Variants in ARHGEF10 observed in about 807,000 individuals in gnomAD.
ARHGEF10 encodes the protein Rho guanine nucleotide exchange factor (GEF) 10.
In ARHGEF10, 140 loss-of-function variants were observed where a neutral mutation model predicts 147.4. The observed-to-expected ratio is 0.95, with a 90% confidence interval of 0.83 to 1.09. The LOEUF is 1.09. Among genes scored for constraint, ARHGEF10 ranks in the 50% least tolerant of loss-of-function variants. The pLI is 0.00. For missense variants in ARHGEF10, 2,222 were observed against 1,752.7 expected, an observed-to-expected ratio of 1.27 and a Z score of -4.78; for synonymous variants, 902 against 695.8, an observed-to-expected ratio of 1.30 and a Z score of -4.67.
At chr8:1,866,237 C>G (rs1356368833) in intron 5 of ARHGEF10, among the ~76,000 whole-genome samples, 1 of 152,172 alleles carries the variant, frequency 6.6e-6, no homozygotes, top group African/African-American at 2.4e-5. Flanking sequence ...ACAGTTCAGG[C>G]CTTCTAGGGC....
intron 14 of ARHGEF10, among the ~76,000 whole-genome samples, chr8:1,898,005 G>T (rs1194844889): frequency 3.3e-5 from 5 of 152,126 alleles, no homozygotes; most frequent in African/African-American, 1.2e-4. Context: ...TTGCCCAACA[G>T]CCTTGGTAGC....
intron 7 of ARHGEF10, 102 bp from the exon 8 acceptor site, chr8:1,876,469 C>A: frequency 1.6e-6 from 2 of 1,232,080 alleles, no homozygotes; most frequent in South Asian, 1.2e-5. Flanking sequence ...AGATTTCCTT[C>A]CACCCCCAGC....
At chr8:1,840,540 G>C (rs2129048170) in intron 1 of ARHGEF10, among the ~76,000 whole-genome samples, 1 of 149,582 alleles carries the variant, frequency 6.7e-6, no homozygotes, top group South Asian at 2.2e-4. Context: ...TGTGGGGACT[G>C]TCCGGTGTGG....
rs532702694 is a variant in ARHGEF10 at position 1,928,629 on chromosome 8, G to C, written c.2900G>C (p.Cys967Ser). 6.2e-7 allele frequency: 1 copy of C among 1,614,210 alleles called. No homozygotes were observed. Among genetic ancestry groups the C allele is most frequent in the African/African-American group, 1.3e-5 (1 of 75,054 alleles). ...AGAGCTTCTGATGTCCCCACGATCT[G>C]TGTAGGGACGGAGGAGGGAAGGTAG... ...AVRASDVPTI[C>S]VGTEEGSISI... The change falls in exon 24 of 29, where the codon TGT becomes TCT. Residue 967 changes from cysteine to serine, a missense_variant. Coordinates refer to ENST00000349830, the MANE Select transcript of ARHGEF10 (RefSeq NM_014629.4).
At chr8:1,862,556 G>A (rs1258797244) in intron 4 of ARHGEF10, among the ~76,000 whole-genome samples, 2 of 152,174 alleles carry the variant, frequency 1.3e-5, no homozygotes, top group East Asian at 3.9e-4. Flanking sequence ...TTTCCCGGAA[G>A]GCGGAGGAAA....
At chr8:1,902,613 C>T (rs868361211) in intron 15 of ARHGEF10, among the ~76,000 whole-genome samples, 8 of 152,052 alleles carry the variant, frequency 5.3e-5, no homozygotes, top group Non-Finnish European at 7.4e-5. Flanking sequence ...CCCCTCCCCC[C>T]ACATCTCCAC....
intron 2 of ARHGEF10, among the ~76,000 whole-genome samples, chr8:1,848,859 A>G (rs1804753593): frequency 6.6e-6 from 1 of 152,198 alleles, no homozygotes; most frequent in Admixed American, 6.5e-5. Flanking sequence ...TTCAAACATT[A>G]GCAGTTTTTT....
intron 9 of ARHGEF10, among the ~76,000 whole-genome samples, chr8:1,881,167 C>T (rs1808159976): frequency 6.6e-6 from 1 of 152,052 alleles, no homozygotes; most frequent in Non-Finnish European, 1.5e-5. Flanking sequence ...GGGGAGGCAG[C>T]CAGGGCTGGG....
intron 17 of ARHGEF10, among the ~76,000 whole-genome samples, chr8:1,906,310 G>A (rs1266322813): frequency 2.6e-5 from 4 of 152,154 alleles, no homozygotes; most frequent in African/African-American, 7.2e-5. Flanking sequence ...GCAAGCGAAC[G>A]TGGTGCCAAT....
At chr8:1,851,186 G>T (rs922462840) in intron 2 of ARHGEF10, among the ~76,000 whole-genome samples, 1 of 136,446 alleles carries the variant, frequency 7.3e-6, no homozygotes, top group Non-Finnish European at 1.7e-5. Flanking sequence ...TTTAGTTAGC[G>T]ACGTACCTCA....
At chr8:1,833,134 A>G (rs1180163394) in intron 1 of ARHGEF10, among the ~76,000 whole-genome samples, 2 of 142,366 alleles carry the variant, frequency 1.4e-5, no homozygotes, top group Non-Finnish European at 3.0e-5. Flanking sequence ...ACAGAGGCAG[A>G]GGCAGAGACA....
At chr8:1,849,982 A>T (rs28707029) in intron 2 of ARHGEF10, among the ~76,000 whole-genome samples, 2 of 29,942 alleles carry the variant, frequency 6.7e-5, no homozygotes, top group African/African-American at 1.1e-4. Flanking sequence ...GGCCGGCTGC[A>T]TGGACACAGA....
intron 26 of ARHGEF10, among the ~76,000 whole-genome samples, chr8:1,944,255 C>T (rs190535592): frequency 1.3e-5 from 2 of 152,296 alleles, no homozygotes; most frequent in East Asian, 1.9e-4. Context: ...CGCACCGTGT[C>T]GCCTCCCTCG....
intron 2 of ARHGEF10, among the ~76,000 whole-genome samples, chr8:1,844,132 G>A (rs1169956176): frequency 6.6e-6 from 1 of 152,094 alleles, no homozygotes; most frequent in African/African-American, 2.4e-5. Flanking sequence ...TCCGTTGCAG[G>A]TCTGGGGGGT....
chr8:1,838,074 T>C (rs1248345144), intron 1 of ARHGEF10, among the ~76,000 whole-genome samples: 1 of 152,180 alleles, frequency 6.6e-6, no homozygotes. Context: ...GTATGGTGGA[T>C]GCGTCTTTGT....
chr8:1,839,008 C>A (rs1803760213), intron 1 of ARHGEF10, among the ~76,000 whole-genome samples: 1 of 152,010 alleles, frequency 6.6e-6, no homozygotes, highest in South Asian at 2.1e-4. Flanking sequence ...GGCGTGGATG[C>A]CGTCCGATGT....
At chr8:1,954,881 T>C (rs1004255309) in intron 28 of ARHGEF10, among the ~76,000 whole-genome samples, 2 of 152,268 alleles carry the variant, frequency 1.3e-5, no homozygotes, top group South Asian at 2.1e-4. Context: ...GCCACAGCTA[T>C]AGTGCTTTCC....
chr8:1,945,570 G>C lies in ARHGEF10; in HGVS notation c.3312G>C (p.Gly1104=), dbSNP rs1230112237. 1.2e-6 allele frequency: 2 copies of C among 1,614,238 alleles called. No homozygotes were observed. Among genetic ancestry groups the C allele is most frequent in the Non-Finnish European group, 8.5e-7 (1 of 1,180,038 alleles). ...GGATCTGGATTGCCTTCACCTCAGG[G>C]TCCACGCTCCGCCTTTTTCACACGG... ...GVGIWIAFTS[G]STLRLFHTET... The change falls in exon 27 of 29, where the codon GGG becomes GGC. Residue 1104 remains glycine, a synonymous_variant. Coordinates refer to ENST00000349830, the MANE Select transcript of ARHGEF10 (RefSeq NM_014629.4).
At chr8:1,893,254 T>C (rs1332510629) in intron 11 of ARHGEF10, among the ~76,000 whole-genome samples, 1 of 152,240 alleles carries the variant, frequency 6.6e-6, no homozygotes, top group Non-Finnish European at 1.5e-5. Flanking sequence ...TACCTGAATG[T>C]TGGATACATA....
Sources: gnomAD v4.1 joint callset for allele counts (sites outside exome capture counted in the v4.1 genomes callset) on GRCh38, gnomAD v4.1.1 for gene constraint, MANE v1.5 for transcripts, NCBI Gene and HGNC (gene_info 2026-07-23, HGNC 2026-07-21) for gene names.